ABLIM2: variants seen among roughly 807,000 people sequenced by gnomAD.
ABLIM2 encodes actin-binding LIM protein 2.
In ABLIM2, 53 loss-of-function variants were observed where a neutral mutation model predicts 97.7. The ratio of observed to expected loss-of-function variants is 0.54; its 90% CI spans 0.44 to 0.68. The LOEUF (loss-of-function observed/expected upper bound fraction) is 0.68, where lower values mean the gene tolerates loss of function less well. ABLIM2 is among the 30% of genes least tolerant of loss of function. ABLIM2 has a pLI of 0.00. For missense variants in ABLIM2, 835 were observed against 867.2 expected, an observed-to-expected ratio of 0.96 and a Z score of 0.47; for synonymous variants, 361 against 345.8, an observed-to-expected ratio of 1.04 and a Z score of -0.49.
intron 8 of ABLIM2, among the ~76,000 whole-genome samples, chr4:8,051,705 C>A (rs1037649343): frequency 2.6e-5 from 4 of 152,212 alleles, no homozygotes; most frequent in Non-Finnish European, 5.9e-5. Context: ...CCACTAGAAA[C>A]TGGGTCCACC....
At chr4:8,025,778 C>T (rs1162699796) in intron 12 of ABLIM2, among the ~76,000 whole-genome samples, 1 of 151,994 alleles carries the variant, frequency 6.6e-6, no homozygotes. Flanking sequence ...GACAGCCACA[C>T]CAGAAGGAGG....
intron 8 of ABLIM2, among the ~76,000 whole-genome samples, chr4:8,045,446 C>T (rs886847661): frequency 2.3e-4 from 35 of 152,296 alleles, no homozygotes; most frequent in Middle Eastern, 3.4e-3. Context: ...GTCAGGAGTT[C>T]GAGATCAGTC....
rs752942010 is a variant in ABLIM2 at position 8,036,209 on chromosome 4, G to A, written c.987C>T (p.Asp329=). The A allele has an allele frequency of 6.2e-7, 1 of 1,613,920 alleles. No individual in the cohort carries two copies. Among genetic ancestry groups the A allele is most frequent in the South Asian group, 1.1e-5 (1 of 91,078 alleles). The part of the protein sequence containing the change: ...SKAIYDIDRP[D]MISYSPYISH... ...TGATGTAGGGTGAGTAGGAGATCAT[G>A]TCGGGGCGGTCGATGTCATAGATGG... The change falls in exon 10 of 21, where the codon GAC becomes GAT. Residue 329 remains aspartate, a synonymous_variant. Coordinates refer to ENST00000447017, the MANE Select transcript of ABLIM2 (RefSeq NM_001130083.2).
At position 8,140,301 on chromosome 4, in the gene ABLIM2, C is replaced by T. The variant is rs1850772416; in HGVS notation, c.10+18379G>A. ...AAATACAAAACAAAAGCAATGCTCC[C>T]CATCTGGTGAAGGAAACAGAGAATG... On this transcript the variant is annotated intron_variant, in intron 1 of 20. Transcript: ENST00000447017. The surrounding 1 kb of genome is among the most constrained non-coding windows in gnomAD (Gnocchi z 5.9). 6.6e-6 allele frequency among the ~76,000 whole-genome samples: 1 copy of T among 152,138 alleles called. No individual in the cohort carries two copies. Among genetic ancestry groups the T allele is most frequent in the African/African-American group, 2.4e-5 (1 of 41,418 alleles).
chr4:8,024,704 C>T (rs2151036928), intron 12 of ABLIM2, among the ~76,000 whole-genome samples: 1 of 152,318 alleles, frequency 6.6e-6, no homozygotes, highest in African/African-American at 2.4e-5. Flanking sequence ...GTGAACGGGA[C>T]CCCGGGTAGA....
intron 14 of ABLIM2, among the ~76,000 whole-genome samples, chr4:8,017,944 G>A (rs1340073270): frequency 6.7e-6 from 1 of 150,350 alleles, no homozygotes; most frequent in Non-Finnish European, 1.5e-5. Flanking sequence ...AGTAAGCCAA[G>A]ATCGCACCAC....
chr4:7,978,019 G>A (rs2149533217), intron 20 of ABLIM2, among the ~76,000 whole-genome samples: 1 of 152,206 alleles, frequency 6.6e-6, no homozygotes, highest in East Asian at 1.9e-4. Context: ...GTGACTGGGT[G>A]GGGGAATTCC....
chr4:8,005,791 C>A lies in ABLIM2; in HGVS notation c.1618+2268G>T, dbSNP rs1312786962. On this transcript the variant is annotated intron_variant, in intron 16 of 20. Transcript: ENST00000447017. This position sits in a 1 kb window ranked among gnomAD's most constrained non-coding sequence, Gnocchi z 4.9. ...TGCTCAGAGGAAGTGGATGTTAGCA[C>A]ACCAGGAGAAAGCGAAGGAAGGACA... Among the ~76,000 whole-genome samples the A allele has an allele frequency of 6.6e-6, 1 of 152,248 alleles. No individual in the cohort carries two copies. The highest frequency in any genetic ancestry group is 2.4e-5 in the African/African-American group (1 of 41,462).
chr4:8,036,938 A>C (rs1784841685), intron 9 of ABLIM2, among the ~76,000 whole-genome samples: 1 of 152,036 alleles, frequency 6.6e-6, no homozygotes, highest in African/African-American at 2.4e-5. Flanking sequence ...CCCTCCTCAA[A>C]TCCCCAAATC....
chr4:8,133,780 C>T (rs982995270), intron 1 of ABLIM2, among the ~76,000 whole-genome samples: 1 of 152,222 alleles, frequency 6.6e-6, no homozygotes. Flanking sequence ...CCCAGAGCCC[C>T]CTGAGGTGTC....
At position 8,120,013 on chromosome 4, in the gene ABLIM2, T is replaced by C. The variant is rs79138804; in HGVS notation, c.11-13376A>G. Among the ~76,000 whole-genome samples, 22,362 of 152,126 alleles carry C rather than the reference T, an allele frequency of 0.15. 2,012 individuals are homozygous for C. Among genetic ancestry groups the C allele is most frequent in the South Asian group, 0.31 (1,475 of 4,814 alleles). On this transcript the variant is annotated intron_variant, in intron 1 of 20. Transcript: ENST00000447017. The surrounding 1 kb of genome is among the most constrained non-coding windows in gnomAD (Gnocchi z 5.6). ...TTCCCTATTTTGAGGCAGGGGTCCA[T>C]GAGGACAAAGTCACTCTTGGCCACA...
intron 1 of ABLIM2, among the ~76,000 whole-genome samples, chr4:8,138,286 T>G (rs1396989514): frequency 2.0e-5 from 3 of 152,238 alleles, no homozygotes; most frequent in African/African-American, 7.2e-5. Flanking sequence ...TTAATGTCAC[T>G]GAATGGTATG....
chr4:8,039,867 G>A (rs1787010915), intron 9 of ABLIM2, among the ~76,000 whole-genome samples: 1 of 128,270 alleles, frequency 7.8e-6, no homozygotes, highest in Non-Finnish European at 1.6e-5. Context: ...CTGGTGTGCT[G>A]ATTACTGTTT....
chr4:8,100,195 C>T (rs1365780466), intron 2 of ABLIM2, among the ~76,000 whole-genome samples: 1 of 152,202 alleles, frequency 6.6e-6, no homozygotes, highest in Non-Finnish European at 1.5e-5. Flanking sequence ...CAGTCCCTCT[C>T]CTGGGATTGT....
At chr4:8,009,499 C>T (rs942461959) in intron 14 of ABLIM2, among the ~76,000 whole-genome samples, 2 of 152,100 alleles carry the variant, frequency 1.3e-5, no homozygotes, top group Non-Finnish European at 2.9e-5. Context: ...CAGGTTCAAG[C>T]GATTCTCCTG....
intron 2 of ABLIM2, among the ~76,000 whole-genome samples, chr4:8,105,184 G>C (rs1836658434): frequency 6.6e-6 from 1 of 152,214 alleles, no homozygotes; most frequent in African/African-American, 2.4e-5. Context: ...CTGCCAGGCA[G>C]ATTTCTACTC....
In ABLIM2 at chr4:8,128,836, A is replaced by T. The variant is rs1848914022; in HGVS notation, c.11-22199T>A. Among the ~76,000 whole-genome samples, 1 of 152,176 alleles carries T rather than the reference A, an allele frequency of 6.6e-6. No homozygotes were observed. The highest frequency in any genetic ancestry group is 2.4e-5 in the African/African-American group (1 of 41,446). Reference sequence around the variant, plus strand: ...CAGAGGCTGCCTCGCTCTTTCTACCACATGAGGGTGCGAGGAAAAGGCGGC... The same window carrying T: ...CAGAGGCTGCCTCGCTCTTTCTACCTCATGAGGGTGCGAGGAAAAGGCGGC... On this transcript the variant is annotated intron_variant, in intron 1 of 20. Transcript: ENST00000447017. The surrounding 1 kb of genome is among the most constrained non-coding windows in gnomAD (Gnocchi z 4.9).
intron 1 of ABLIM2, among the ~76,000 whole-genome samples, chr4:8,143,533 G>A (rs1851347385): frequency 6.6e-6 from 1 of 152,040 alleles, no homozygotes; most frequent in Admixed American, 6.6e-5. Flanking sequence ...GCTGTCAGGT[G>A]CCCTTCTCCC....
At position 8,088,214 on chromosome 4, in the gene ABLIM2, G is replaced by A; in HGVS notation, c.409C>T (p.Pro137Ser). 8.1e-6 allele frequency: 13 copies of A among 1,612,862 alleles called. No individual in the cohort carries two copies. Among genetic ancestry groups the A allele is most frequent in the Non-Finnish European group, 1.0e-5 (12 of 1,179,642 alleles). Residue 137 changes from proline (P) to serine (S), a missense_variant, in exon 4 of 21, where the codon CCC becomes TCC. Physicochemically the swap from Pro to Ser is moderately conservative, Grantham distance 74. Coordinates refer to ENST00000447017, the MANE Select transcript of ABLIM2 (RefSeq NM_001130083.2). Reference protein sequence around the residue: ...KECMCQKCSLPVSVGSSAHLS... With the variant: ...KECMCQKCSLSVSVGSSAHLS... The stretch of plus-strand genomic sequence containing the variant: ...TGCGCGCTGCTGCCCACCGATACGG[G>A]CAGGGAACACTTCTGGCACATGCAT...
Sources: allele counts gnomAD v4.1 joint callset (sites outside exome capture counted in the v4.1 genomes callset), GRCh38; gene constraint gnomAD v4.1.1; non-coding constraint Gnocchi (gnomAD v3.1); transcripts MANE v1.5; gene names NCBI Gene and HGNC (gene_info 2026-07-23, HGNC 2026-07-21).